DNAAF11: variants seen among roughly 807,000 people sequenced by gnomAD.
DNAAF11 encodes the protein dynein axonemal assembly factor 11.
In DNAAF11, 45 loss-of-function variants were observed where a neutral mutation model predicts 60.8. The observed-to-expected ratio is 0.74, with a 90% CI of 0.58 to 0.95. The LOEUF is 0.95. Ranked by LOEUF, DNAAF11 falls within the 40% of genes least tolerant of loss-of-function variation. The pLI is 0.00. For synonymous variants in DNAAF11, 191 were observed against 183.5 expected, an observed-to-expected ratio of 1.04 and a Z score of -0.33; for missense variants, 546 against 546.2, an observed-to-expected ratio of 1.00 and a Z score of 0.00.
intron 1 of DNAAF11, among the ~76,000 whole-genome samples, chr8:132,674,022 AAGGAGCAGGAGGAGC>A (rs1563725319): frequency 6.9e-6 from 1 of 144,304 alleles, no homozygotes; most frequent in African/African-American, 2.5e-5. Context: ...GAAGGAGGAG[AAGGAGCAGGAGGAGC>A]AGGAGCAGAA....
intron 7 of DNAAF11, among the ~76,000 whole-genome samples, chr8:132,616,396 A>G (rs1819159570): frequency 6.6e-6 from 1 of 152,166 alleles, no homozygotes; most frequent in Non-Finnish European, 1.5e-5. Flanking sequence ...CTTAATAAGC[A>G]ATTGCAACTG....
At chr8:132,624,085 T>C (rs2130301360) in intron 6 of DNAAF11, among the ~76,000 whole-genome samples, 1 of 152,294 alleles carries the variant, frequency 6.6e-6, no homozygotes, top group African/African-American at 2.4e-5. Flanking sequence ...ACAGATTAGA[T>C]ATTATTTCTA....
chr8:132,690,450 C>T, the DNAAF11 span, among the ~76,000 whole-genome samples: 7 of 152,222 alleles, frequency 4.6e-5, no homozygotes, highest in African/African-American at 9.6e-5. Flanking sequence ...CTACCCTTGC[C>T]GAACAGTGAG....
chr8:132,687,272 A>G, the DNAAF11 span, among the ~76,000 whole-genome samples: 10 of 152,344 alleles, frequency 6.6e-5, no homozygotes, highest in African/African-American at 2.4e-4. Flanking sequence ...GAGTGATCAA[A>G]TATCAGAATG....
intron 10 of DNAAF11, among the ~76,000 whole-genome samples, chr8:132,588,158 T>C (rs1238511322): frequency 6.6e-6 from 1 of 152,240 alleles, no homozygotes. Flanking sequence ...TAATTTCTTA[T>C]GGTTCAACTT....
intron 10 of DNAAF11, among the ~76,000 whole-genome samples, chr8:132,592,604 AAAG>A (rs1432284655): frequency 2.0e-5 from 3 of 152,178 alleles, no homozygotes; most frequent in African/African-American, 7.2e-5. Context: ...AGGCTTTATA[AAAG>A]GAGAAACTGG....
At chr8:132,587,266 G>A (rs533311106) in intron 10 of DNAAF11, among the ~76,000 whole-genome samples, 30 of 152,202 alleles carry the variant, frequency 2.0e-4, no homozygotes, top group African/African-American at 7.0e-4. Flanking sequence ...TTTTTAAAAG[G>A]TATTTTCAGC....
At chr8:132,643,058 G>A (rs2130616717) in intron 3 of DNAAF11, among the ~76,000 whole-genome samples, 1 of 152,194 alleles carries the variant, frequency 6.6e-6, no homozygotes, top group Admixed American at 6.5e-5. Flanking sequence ...TTCACAATAG[G>A]GCTCCGCTCC....
chr8:132,641,322 T>C (rs1314180407), intron 3 of DNAAF11, among the ~76,000 whole-genome samples: 2 of 152,332 alleles, frequency 1.3e-5, no homozygotes, highest in Non-Finnish European at 2.9e-5. Context: ...ACATACGTAT[T>C]GTTTCATTTT....
At chr8:132,664,597 A>T (rs1325978319) in intron 1 of DNAAF11, among the ~76,000 whole-genome samples, 1 of 151,814 alleles carries the variant, frequency 6.6e-6, no homozygotes, top group African/African-American at 2.4e-5. Flanking sequence ...GAGTAGCTGG[A>T]ACTACAGGCA....
intron 4 of DNAAF11, among the ~76,000 whole-genome samples, 166 bp downstream of exon 4, chr8:132,637,769 T>C (rs529288296): frequency 2.0e-5 from 3 of 152,344 alleles, no homozygotes; most frequent in Admixed American, 6.5e-5. Flanking sequence ...ATTAAAACTA[T>C]TCAAACAATA....
At chr8:132,582,555 A>G (rs1176640949) in intron 11 of DNAAF11, among the ~76,000 whole-genome samples, 4 of 152,182 alleles carry the variant, frequency 2.6e-5, no homozygotes, top group African/African-American at 9.7e-5. Context: ...TGAATCTTGT[A>G]TGTGCAATGG....
intron 10 of DNAAF11, among the ~76,000 whole-genome samples, chr8:132,588,377 A>T (rs139700388): frequency 6.6e-6 from 1 of 152,230 alleles, no homozygotes; most frequent in East Asian, 1.9e-4. Context: ...GAAAATCACA[A>T]TAAATTTATC....
chr8:132,605,890 T>C (rs1818077552), intron 10 of DNAAF11, among the ~76,000 whole-genome samples: 1 of 150,644 alleles, frequency 6.6e-6, no homozygotes, highest in African/African-American at 2.5e-5. Flanking sequence ...AGGAAGCCAA[T>C]GTGGCTGCAA....
chr8:132,605,254 T>C (rs1818015819), intron 10 of DNAAF11, among the ~76,000 whole-genome samples: 1 of 152,152 alleles, frequency 6.6e-6, no homozygotes, highest in Non-Finnish European at 1.5e-5. Context: ...CAGAATTTAA[T>C]TCAGGTTCTC....
chr8:132,609,616 C>G (rs958069304), intron 10 of DNAAF11, among the ~76,000 whole-genome samples: 2 of 152,070 alleles, frequency 1.3e-5, no homozygotes, highest in Non-Finnish European at 2.9e-5. Context: ...TTTCTCTGAT[C>G]CTCTGTCTTT....
the DNAAF11 span, among the ~76,000 whole-genome samples, chr8:132,695,804 C>G: frequency 6.6e-6 from 1 of 151,800 alleles, no homozygotes; most frequent in Non-Finnish European, 1.5e-5. Flanking sequence ...TTAGAGTATT[C>G]GATTCAACCA....
At chr8:132,606,149 G>C (rs1818110750) in intron 10 of DNAAF11, among the ~76,000 whole-genome samples, 1 of 152,088 alleles carries the variant, frequency 6.6e-6, no homozygotes, top group Admixed American at 6.6e-5. Context: ...GGTGATCCTG[G>C]CATAAACAAA....
chr8:132,620,606 A>T (rs1819659984), intron 7 of DNAAF11, among the ~76,000 whole-genome samples: 1 of 152,330 alleles, frequency 6.6e-6, no homozygotes, highest in South Asian at 2.1e-4. Context: ...AAGTGCTGGG[A>T]TTATAGGCGT....
Sources: gnomAD v4.1 joint callset for allele counts (sites outside exome capture counted in the v4.1 genomes callset) on GRCh38, gnomAD v4.1.1 for gene constraint, MANE v1.5 for transcripts, NCBI Gene and HGNC (gene_info 2026-07-23, HGNC 2026-07-21) for gene names.